The following BMPR1B variants were observed in gnomAD, a reference collection of about 807,000 sequenced individuals.
BMPR1B encodes the protein bone morphogenetic protein receptor type 1B.
In BMPR1B, 12 loss-of-function variants were observed where a neutral mutation model predicts 59.1. The ratio of observed to expected loss-of-function variants is 0.20; its 90% CI spans 0.13 to 0.33. The LOEUF (loss-of-function observed/expected upper bound fraction) is 0.33, where lower values mean the gene tolerates loss of function less well. Ranked by LOEUF, BMPR1B falls within the 10% of genes least tolerant of loss-of-function variation. The probability of loss-of-function intolerance (pLI) is 1.00; values close to 1 mark genes in which losing one functional copy is unlikely to be tolerated. For missense variants in BMPR1B, 550 were observed against 610.9 expected (o/e 0.90, Z 1.05); for synonymous variants, 237 against 207.3 (o/e 1.14, Z -1.23).
chr4:95,094,905 T>C (rs928044070), intron 3 of BMPR1B, among the ~76,000 whole-genome samples: 6 of 151,916 alleles, frequency 3.9e-5, no homozygotes, highest in Non-Finnish European at 8.8e-5. Context: ...ACAGTTAATA[T>C]TAGAAAATCT....
In BMPR1B at chr4:94,966,603, C is replaced by T. The variant is rs534878872; in HGVS notation, c.-112-29437C>T. Reference sequence around the variant, plus strand: ...AATGAGAAATCCATTATGAAGTGGACGTTCTTTAAACAATGAACTCTATAC... The same window carrying T: ...AATGAGAAATCCATTATGAAGTGGATGTTCTTTAAACAATGAACTCTATAC... On this transcript the variant is annotated intron_variant, in intron 2 of 12. Coordinates refer to ENST00000515059, the MANE Select transcript of BMPR1B (RefSeq NM_001203.3). Among the ~76,000 whole-genome samples, 63 of 152,274 alleles carry T rather than the reference C, an allele frequency of 4.1e-4. 2 individuals carry two copies. The South Asian group carries it at 0.012, about 30-fold the overall frequency.
chr4:95,020,096 T>C (rs892476233), intron 3 of BMPR1B, among the ~76,000 whole-genome samples: 1 of 152,194 alleles, frequency 6.6e-6, no homozygotes, highest in Non-Finnish European at 1.5e-5. Flanking sequence ...AATTTGCAAT[T>C]AAAATGAAAA....
intron 1 of BMPR1B, among the ~76,000 whole-genome samples, chr4:94,857,112 A>G (rs1035376942): frequency 6.6e-6 from 1 of 152,194 alleles, no homozygotes; most frequent in Non-Finnish European, 1.5e-5. Flanking sequence ...AATGAAAAGA[A>G]TGAGATAAAA....
chr4:95,153,680 C>T (rs1227616412), intron 12 of BMPR1B, among the ~76,000 whole-genome samples: 1 of 152,130 alleles, frequency 6.6e-6, no homozygotes, highest in Non-Finnish European at 1.5e-5. Context: ...GAAAACCCAT[C>T]TCTATTAAAA....
At chr4:94,912,071 G>A (rs1167758573) in intron 2 of BMPR1B, among the ~76,000 whole-genome samples, 1 of 152,110 alleles carries the variant, frequency 6.6e-6, no homozygotes, top group Non-Finnish European at 1.5e-5. Flanking sequence ...ATGGATGGCA[G>A]CAGACAAAGA....
chr4:94,875,662 C>A (rs973337919), intron 1 of BMPR1B, among the ~76,000 whole-genome samples, 169 bp from the exon 2 acceptor site: 1 of 152,102 alleles, frequency 6.6e-6, no homozygotes, highest in African/African-American at 2.4e-5. Context: ...CCAGCCTGGG[C>A]GATGGAGCGA....
chr4:95,136,803 C>T (rs537384016), intron 10 of BMPR1B, among the ~76,000 whole-genome samples: 47 of 151,824 alleles, frequency 3.1e-4, no homozygotes, highest in African/African-American at 1.1e-3. Flanking sequence ...TCTCTCTTTT[C>T]TTCTTTATTA....
At chr4:95,084,384 A>AT (rs34517809) in intron 3 of BMPR1B, among the ~76,000 whole-genome samples, 37 of 151,876 alleles carry the variant, frequency 2.4e-4, no homozygotes, top group African/African-American at 8.9e-4. Flanking sequence ...GTATATATAC[A>AT]TTTTTTTCAT....
At chr4:94,838,572 G>T (rs1724917299) in intron 1 of BMPR1B, among the ~76,000 whole-genome samples, 1 of 137,674 alleles carries the variant, frequency 7.3e-6, no homozygotes, top group South Asian at 2.4e-4. Flanking sequence ...ATTCTCTGAT[G>T]GTAGTTTGTA....
chr4:94,843,748 T>G (rs1176400937), intron 1 of BMPR1B, among the ~76,000 whole-genome samples: 1 of 152,184 alleles, frequency 6.6e-6, no homozygotes, highest in African/African-American at 2.4e-5. Context: ...TTTATTTTGA[T>G]AAGCAATAAT....
At chr4:94,940,010 C>T (rs940897465) in intron 2 of BMPR1B, among the ~76,000 whole-genome samples, 3 of 152,094 alleles carry the variant, frequency 2.0e-5, no homozygotes, top group Admixed American at 1.3e-4. Flanking sequence ...CTTCCCTCAC[C>T]CCCTTCCTTT....
chr4:95,144,343 T>G (rs982450460), intron 10 of BMPR1B, among the ~76,000 whole-genome samples: 3 of 152,032 alleles, frequency 2.0e-5, no homozygotes, highest in Admixed American at 2.0e-4. Context: ...CCCAGCAAAT[T>G]TTTGTATTTT....
chr4:94,975,710 TTA>T (rs1731007329), intron 2 of BMPR1B, among the ~76,000 whole-genome samples: 2 of 152,122 alleles, frequency 1.3e-5, no homozygotes, highest in African/African-American at 4.8e-5. Flanking sequence ...GAAGATGATA[TTA>T]TAATACCTAA....
intron 1 of BMPR1B, among the ~76,000 whole-genome samples, chr4:94,832,655 C>G (rs979216611): frequency 6.6e-6 from 1 of 152,000 alleles, no homozygotes; most frequent in Non-Finnish European, 1.5e-5. Context: ...TGGTGGTGTA[C>G]GCCTGTAATC....
At chr4:95,104,627 GC>G in intron 4 of BMPR1B, 60 bp downstream of exon 4, 1 of 1,586,402 alleles carries the variant, frequency 6.3e-7, no homozygotes, top group Non-Finnish European at 8.7e-7. Flanking sequence ...TTTCAACTAT[GC>G]AACTGTAGGC....
intron 2 of BMPR1B, among the ~76,000 whole-genome samples, chr4:94,900,994 G>C (rs563142107): frequency 3.9e-5 from 6 of 151,908 alleles, no homozygotes; most frequent in Admixed American, 6.6e-5. Flanking sequence ...GTAGACTAAG[G>C]TCTTGTAACA....
chr4:94,773,478 A>G (rs1475710811), intron 1 of BMPR1B, among the ~76,000 whole-genome samples: 5 of 152,090 alleles, frequency 3.3e-5, no homozygotes, highest in East Asian at 1.9e-4. Context: ...CATTTACACA[A>G]TTTTATGAAT....
At chr4:94,994,599 T>G (rs889057990) in intron 2 of BMPR1B, among the ~76,000 whole-genome samples, 1 of 152,232 alleles carries the variant, frequency 6.6e-6, no homozygotes, top group Non-Finnish European at 1.5e-5. Flanking sequence ...TATACCTGTG[T>G]CGACAATAAG....
At position 94,824,705 on chromosome 4, in the gene BMPR1B, C is replaced by T. The variant is rs191872002; in HGVS notation, c.-182-51126C>T. Among the ~76,000 whole-genome samples the T allele has an allele frequency of 6.0e-3, 914 of 152,116 alleles. 8 individuals carry two copies. The highest frequency in any genetic ancestry group is 0.021 in the African/African-American group (872 of 41,514). On this transcript the variant is annotated intron_variant, in intron 1 of 12. Coordinates refer to ENST00000515059, the MANE Select transcript of BMPR1B (RefSeq NM_001203.3). Reference sequence around the variant, plus strand: ...TTTTATTTAAAAGATTTGATTCACACAGAAAAATTTCTGTTTAATTGATCT... The same window carrying T: ...TTTTATTTAAAAGATTTGATTCACATAGAAAAATTTCTGTTTAATTGATCT...
Sources: gnomAD v4.1 joint callset for allele counts (sites outside exome capture counted in the v4.1 genomes callset) on GRCh38, gnomAD v4.1.1 for gene constraint, MANE v1.5 for transcripts, NCBI Gene and HGNC (gene_info 2026-07-23, HGNC 2026-07-21) for gene names.